DENND2A: variants seen among roughly 807,000 people sequenced by gnomAD.
DENND2A encodes the protein DENN domain-containing protein 2A.
A neutral mutation model predicts 105.3 loss-of-function variants in DENND2A; 53 were observed. The observed-to-expected ratio is 0.50, with a 90% confidence interval of 0.40 to 0.63. DENND2A has a LOEUF of 0.63. DENND2A is among the 30% of genes least tolerant of loss of function. DENND2A has a pLI of 0.00. For synonymous variants in DENND2A, 522 were observed against 508.4 expected, an observed-to-expected ratio of 1.03 and a Z score of -0.36; for missense variants, 1,138 against 1,279.6, an observed-to-expected ratio of 0.89 and a Z score of 1.69.
At chr7:140,617,808 G>C (rs561253580) in intron 1 of DENND2A, among the ~76,000 whole-genome samples, 2 of 152,108 alleles carry the variant, frequency 1.3e-5, no homozygotes, top group Non-Finnish European at 2.9e-5. Flanking sequence ...TCTGTGGCTC[G>C]GGCAGCCTGA....
chr7:140,546,999 A>G, intron 12 of DENND2A, 60 bp from the exon 13 acceptor site: 1 of 1,570,266 alleles, frequency 6.4e-7, no homozygotes, highest in Non-Finnish European at 8.7e-7. Context: ...GGTGGAGCTC[A>G]GTTCTAGGTG....
At chr7:140,541,510 T>A (rs1331595622) in intron 14 of DENND2A, among the ~76,000 whole-genome samples, 2 of 152,082 alleles carry the variant, frequency 1.3e-5, no homozygotes, top group Non-Finnish European at 2.9e-5. Flanking sequence ...CTCCCCCACA[T>A]CCAAGCCTGA....
At chr7:140,554,365 C>T (rs376244259) in intron 12 of DENND2A, among the ~76,000 whole-genome samples, 15 of 150,792 alleles carry the variant, frequency 9.9e-5, no homozygotes, top group African/African-American at 3.4e-4. Flanking sequence ...TTAGGCCAGA[C>T]GCGGTGGCTC....
chr7:140,586,271 G>A (rs955362094), intron 4 of DENND2A, among the ~76,000 whole-genome samples: 10 of 151,844 alleles, frequency 6.6e-5, no homozygotes, highest in African/African-American at 2.4e-4. Flanking sequence ...GTAATCCCAG[G>A]ACTTTGGGAG....
intron 3 of DENND2A, among the ~76,000 whole-genome samples, chr7:140,601,034 C>G (rs765118909): frequency 1.6e-4 from 25 of 152,172 alleles, no homozygotes; most frequent in Non-Finnish European, 2.8e-4. Context: ...CTAAAGCCCA[C>G]ACCAAGAAAA....
chr7:140,518,930 T>G (rs953440398), intron 19 of DENND2A, among the ~76,000 whole-genome samples, 192 bp from the exon 20 acceptor site: 1 of 152,098 alleles, frequency 6.6e-6, no homozygotes, highest in Admixed American at 6.5e-5. Context: ...TCCTCAGACT[T>G]GAGGGGGTTT....
chr7:140,579,871 C>T (rs2130628891), intron 5 of DENND2A, among the ~76,000 whole-genome samples: 1 of 152,276 alleles, frequency 6.6e-6, no homozygotes, highest in African/African-American at 2.4e-5. Context: ...GTGGCTCACG[C>T]CTGTAATCCA....
chr7:140,626,225 C>T (rs1800520314), intron 1 of DENND2A, among the ~76,000 whole-genome samples: 1 of 152,184 alleles, frequency 6.6e-6, no homozygotes, highest in South Asian at 2.1e-4. Flanking sequence ...TTCAAGCACC[C>T]AGTCTCCTCC....
Position 140,527,148 on chromosome 7 carries a change from C to T in DENND2A, c.2505+170G>A, listed in dbSNP as rs1585553194. Among the ~76,000 whole-genome samples, 1 of 152,344 alleles carries T rather than the reference C, an allele frequency of 6.6e-6. No homozygotes were observed. On this transcript the variant is annotated intron_variant, in intron 15 of 19. Transcript: ENST00000496613. This position sits in a 1 kb window ranked among gnomAD's most constrained non-coding sequence, Gnocchi z 4.9. ...GTGTTTGCAGTCACTGAGGGTCTGA[C>T]TGAGTCAGCCTCTGGGCAGGACCCA...
At chr7:140,557,112 A>T (rs1797393193) in intron 11 of DENND2A, among the ~76,000 whole-genome samples, 1 of 152,090 alleles carries the variant, frequency 6.6e-6, no homozygotes, top group Admixed American at 6.6e-5. Context: ...AATAATGGAG[A>T]AAGTATTTTT....
chr7:140,551,329 A>G (rs1185263919), intron 12 of DENND2A, among the ~76,000 whole-genome samples: 1 of 150,342 alleles, frequency 6.7e-6, no homozygotes, highest in Non-Finnish European at 1.5e-5. Flanking sequence ...AAAAGAAAGG[A>G]AAAAGGAAAA....
chr7:140,620,111 G>T (rs1320153123), intron 1 of DENND2A, among the ~76,000 whole-genome samples: 2 of 151,830 alleles, frequency 1.3e-5, no homozygotes, highest in South Asian at 2.1e-4. Context: ...CAGGAGAATC[G>T]CTTGAACCCA....
chr7:140,525,595 C>T (rs1796027911), intron 16 of DENND2A, among the ~76,000 whole-genome samples, 156 bp downstream of exon 16: 2 of 152,326 alleles, frequency 1.3e-5, no homozygotes, highest in South Asian at 4.1e-4. Context: ...CCCTTGCCTT[C>T]TGGCTTGTCC....
At chr7:140,562,655 C>T (rs1261648238) in intron 9 of DENND2A, among the ~76,000 whole-genome samples, 1 of 127,302 alleles carries the variant, frequency 7.9e-6, no homozygotes, top group African/African-American at 2.7e-5. Flanking sequence ...AAGGGAGGCT[C>T]CGTCTCAAAA....
At chr7:140,529,039 AG>A (rs1472055500) in intron 14 of DENND2A, among the ~76,000 whole-genome samples, 1 of 152,036 alleles carries the variant, frequency 6.6e-6, no homozygotes, top group Non-Finnish European at 1.5e-5. Context: ...TGGGAGGCGG[AG>A]GTTGCAGTGA....
chr7:140,604,965 TGTAA>T (rs1799638793), intron 2 of DENND2A, among the ~76,000 whole-genome samples: 1 of 152,174 alleles, frequency 6.6e-6, no homozygotes, highest in South Asian at 2.1e-4. Flanking sequence ...CTAGTGTTAT[TGTAA>T]GTATCATAGT....
intron 1 of DENND2A, among the ~76,000 whole-genome samples, chr7:140,618,191 C>T (rs1217339416): frequency 6.6e-6 from 1 of 152,180 alleles, no homozygotes; most frequent in Non-Finnish European, 1.5e-5. Flanking sequence ...ATCATTAAAG[C>T]ATGAGTTATA....
intron 5 of DENND2A, among the ~76,000 whole-genome samples, chr7:140,577,074 A>G (rs1798328071): frequency 6.6e-6 from 1 of 152,202 alleles, no homozygotes. Flanking sequence ...CCTGCTGGAG[A>G]AAGGGGATCC....
intron 2 of DENND2A, among the ~76,000 whole-genome samples, chr7:140,604,659 T>C (rs961308220): frequency 6.6e-6 from 1 of 152,210 alleles, no homozygotes; most frequent in Admixed American, 6.5e-5. Flanking sequence ...TGGTGATGAC[T>C]GATGGTCTAC....
Sources: gnomAD v4.1 joint callset for allele counts (sites outside exome capture counted in the v4.1 genomes callset) on GRCh38, gnomAD v4.1.1 for gene constraint, Gnocchi (gnomAD v3.1) non-coding constraint, MANE v1.5 for transcripts, NCBI Gene and HGNC (gene_info 2026-07-23, HGNC 2026-07-21) for gene names.